MGAM: variants seen among roughly 807,000 people sequenced by gnomAD.
MGAM encodes alpha-1,4-glucosidase.
A neutral mutation model predicts 358.8 loss-of-function variants in MGAM; 253 were observed. The observed-to-expected ratio is 0.71, with a 90% CI of 0.64 to 0.78. The LOEUF (loss-of-function observed/expected upper bound fraction) is 0.78. Ranked by LOEUF, MGAM falls within the 30% of genes least tolerant of loss-of-function variation. The pLI is 0.00. For synonymous variants in MGAM, 1,105 were observed against 1,227.1 expected (o/e 0.90, Z 2.08); for missense variants, 3,080 against 3,432.6 (o/e 0.90, Z 2.57).
intron 44 of MGAM, among the ~76,000 whole-genome samples, chr7:142,072,132 C>G (rs1250236295): frequency 6.9e-6 from 1 of 145,942 alleles, no homozygotes. Flanking sequence ...ATGAAAATCT[C>G]AACTGGTTGC....
rs1815447626 is a variant in MGAM, at chr7:142,092,166, T to C, written c.6945+119T>C. ...CATTGTCCAAGGAAGACTTTGGACATATCAGACACTTCCTCCTCTCAGGAG... is the reference window on the plus strand; with the variant it reads ...CATTGTCCAAGGAAGACTTTGGACACATCAGACACTTCCTCCTCTCAGGAG... On this transcript the variant is annotated intron_variant, in intron 58 of 70. Transcript: ENST00000475668. 3 of 1,315,774 alleles carry C rather than the reference T, an allele frequency of 2.3e-6. No individual in the cohort carries two copies. The East Asian group carries it at 7.5e-5, about 33-fold the overall frequency. 81.5% of individuals were successfully genotyped at this position (1,315,774 alleles called of 1,614,324 possible). A position where few individuals can be genotyped will look rare whatever the true frequency, so the allele number is the denominator to read the frequency against.
At chr7:142,069,495 T>C (rs1813152117) in intron 43 of MGAM, among the ~76,000 whole-genome samples, 1 of 145,416 alleles carries the variant, frequency 6.9e-6, no homozygotes, top group Non-Finnish European at 1.6e-5. Context: ...GAGAACATAG[T>C]TGAGGGCTGG....
rs772302459 is a variant in MGAM at position 142,065,438 on chromosome 7, G to T, written c.4588G>T (p.Ala1530Ser). ...ACATTGGCTGGGAGACAACACGGCC[G>T]CATGGGATCAGCTGAAGAAGTCTAT... is the stretch of plus-strand genomic sequence containing the variant. ...AGHWLGDNTA[A>S]WDQLKKSIIG... The change falls in exon 38 of 71, where the codon GCA becomes TCA. Residue 1530 changes from alanine to serine, a missense_variant. Physicochemically the swap from Ala to Ser is moderately conservative, Grantham distance 99. Around this residue, in one of 5 missense-constraint regions of MGAM, gnomAD observed 134 missense variants for 198.4 expected, o/e 0.68. Transcript: ENST00000475668. 5 of 1,609,438 alleles carry T rather than the reference G, an allele frequency of 3.1e-6. No homozygotes were observed. The highest frequency in any genetic ancestry group is 2.2e-5 in the East Asian group (1 of 44,662).
intron 21 of MGAM, among the ~76,000 whole-genome samples, chr7:142,042,150 A>T (rs559157286): frequency 2.9e-4 from 10 of 34,756 alleles, no homozygotes; most frequent in African/African-American, 3.1e-4. Flanking sequence ...ATAACATATA[A>T]TATATATACA....
chr7:142,048,540 T>C (rs1810638885), intron 22 of MGAM, among the ~76,000 whole-genome samples: 1 of 152,024 alleles, frequency 6.6e-6, no homozygotes, highest in Non-Finnish European at 1.5e-5. Context: ...CTCCTGAAAT[T>C]CTTATGAGCA....
chr7:142,026,967 G>T, intron 8 of MGAM, 148 bp from the exon 9 acceptor site: 2 of 598,104 alleles, frequency 3.3e-6, no homozygotes, highest in Non-Finnish European at 3.0e-6. Flanking sequence ...TGGATGGTCA[G>T]GGTTTTCACT....
intron 57 of MGAM, among the ~76,000 whole-genome samples, chr7:142,087,762 A>G (rs1013197210): frequency 4.1e-5 from 6 of 146,256 alleles, no homozygotes; most frequent in Admixed American, 3.4e-4. Context: ...GTGTCTAGAT[A>G]CTCTCTCAGG....
chr7:142,039,088 G>A (rs1282332160), intron 19 of MGAM, among the ~76,000 whole-genome samples: 1 of 151,008 alleles, frequency 6.6e-6, no homozygotes, highest in Non-Finnish European at 1.5e-5. Context: ...ACGGGGTGGG[G>A]GGAGTTGCCA....
rs1813721805 is a variant in MGAM, at chr7:142,076,233, G to A, written c.5306G>A (p.Cys1769Tyr). ...DTVAKKVYLL[C>Y]EFSVTQNHLE... ...GTGGCCAAGAAAGTATATCTTTTAT[G>A]TGAGTTTTCTGTCACTCAAGTGAGT... Residue 1769 changes from cysteine to tyrosine, a missense_variant, in exon 46 of 71, where the codon TGT (cysteine) becomes TAT (tyrosine). Around this residue, in one of 5 missense-constraint regions of MGAM, gnomAD observed 932 missense variants for 1,198.2 expected, o/e 0.78. Transcript: ENST00000475668. 9 of 1,546,630 alleles carry A rather than the reference G, an allele frequency of 5.8e-6. 1 individual carries two copies. The Middle Eastern group carries it at 5.0e-4, about 87-fold the overall frequency.
chr7:142,095,707 T>C lies in MGAM; in HGVS notation c.7601T>C (p.Leu2534Pro). ...TEGVTVVRPL[L>P]HEFVSDQVTW... ...GGCGTCACTGTTGTGCGGCCTCTGC[T>C]CCATGAGTGAGTGTCCAGCAGGGAT... The change falls in exon 64 of 71, where the codon CTC (leucine) becomes CCC (proline). Residue 2534 changes from leucine (L) to proline (P), a missense_variant. By Grantham distance (98) the Leu-to-Pro change is moderately conservative. Around this residue, in one of 5 missense-constraint regions of MGAM, gnomAD observed 932 missense variants for 1,198.2 expected, o/e 0.78. Coordinates refer to ENST00000475668, the MANE Select transcript of MGAM (RefSeq NM_001365693.1). The C allele has an allele frequency of 1.2e-6, 2 of 1,613,970 alleles. No individual in the cohort carries two copies. The highest frequency in any genetic ancestry group is 1.7e-6 in the Non-Finnish European group (2 of 1,179,864).
In MGAM at chr7:142,034,773, G is replaced by C; in HGVS notation, c.1891G>C (p.Ala631Pro). The change falls in exon 16 of 71, where the codon GCC becomes CCC. Residue 631 changes from alanine to proline, a missense_variant. This residue lies in a region of MGAM where 1,816 missense variants were observed against 1,840.5 expected (regional missense o/e 0.99). Coordinates refer to ENST00000475668, the MANE Select transcript of MGAM (RefSeq NM_001365693.1). Reference sequence around the variant, plus strand: ...AGCACATTGGTTAGGAGACAACACTGCCACCTGGGATGACCTGAGATGGTC... The same window carrying C: ...AGCACATTGGTTAGGAGACAACACTCCCACCTGGGATGACCTGAGATGGTC... ...FAAHWLGDNT[A>P]TWDDLRWSIP... 1 of 1,613,538 alleles carries C rather than the reference G, an allele frequency of 6.2e-7. No homozygotes were observed. Among genetic ancestry groups the C allele is most frequent in the Non-Finnish European group, 8.5e-7 (1 of 1,179,598 alleles).
At chr7:142,041,699 T>G (rs1808575246) in intron 21 of MGAM, among the ~76,000 whole-genome samples, 1 of 150,376 alleles carries the variant, frequency 6.6e-6, no homozygotes, top group Non-Finnish European at 1.5e-5. Flanking sequence ...CAGACATACG[T>G]ATGTATTTTA....
intron 37 of MGAM, among the ~76,000 whole-genome samples, chr7:142,064,860 G>A (rs1812567564): frequency 6.6e-6 from 1 of 152,066 alleles, no homozygotes; most frequent in Non-Finnish European, 1.5e-5. Context: ...ACAGAGGACT[G>A]GGCATCTCTC....
At chr7:142,070,714 C>T (rs73740260) in intron 43 of MGAM, among the ~76,000 whole-genome samples, 13,964 of 145,782 alleles carry the variant, frequency 0.096, 2,047 homozygotes, top group African/African-American at 0.23. Flanking sequence ...CCCTTAGGTT[C>T]TGATACAGGT....
intron 57 of MGAM, among the ~76,000 whole-genome samples, chr7:142,088,513 G>C (rs1296535331): frequency 2.1e-5 from 3 of 142,618 alleles, no homozygotes; most frequent in Non-Finnish European, 4.7e-5. Context: ...TGTATCTACC[G>C]ATCAATGTAT....
intron 2 of MGAM, among the ~76,000 whole-genome samples, chr7:141,988,652 A>T (rs1219336023): frequency 6.6e-6 from 1 of 152,204 alleles, no homozygotes; most frequent in Admixed American, 6.5e-5. Context: ...GGCGTGAGCC[A>T]CCATGCATGG....
At chr7:142,077,596 TG>T (rs1419428938) in intron 47 of MGAM, among the ~76,000 whole-genome samples, 1 of 145,292 alleles carries the variant, frequency 6.9e-6, no homozygotes, top group East Asian at 2.0e-4. Context: ...ATAAAGATGC[TG>T]GGATGTTAGA....
chr7:142,051,850 G>T (rs556918389), intron 24 of MGAM, among the ~76,000 whole-genome samples: 3 of 152,180 alleles, frequency 2.0e-5, no homozygotes, highest in South Asian at 2.1e-4. Flanking sequence ...ACATTCTACA[G>T]AAATGTGGGC....
At chr7:142,065,291 C>T in intron 37 of MGAM, 44 bp from the exon 38 acceptor site, 3 of 1,588,788 alleles carry the variant, frequency 1.9e-6, no homozygotes, top group African/African-American at 1.3e-5. Flanking sequence ...GGCCTTTACT[C>T]CCTGGCTGTT....
Sources: allele counts gnomAD v4.1 joint callset (sites outside exome capture counted in the v4.1 genomes callset), GRCh38; gene constraint gnomAD v4.1.1; regional missense constraint gnomAD v4.1.1; transcripts MANE v1.5; gene names NCBI Gene and HGNC (gene_info 2026-07-23, HGNC 2026-07-21).